Variants in CACNA2D3 observed in about 807,000 individuals in gnomAD.
The protein encoded by CACNA2D3 is voltage-dependent calcium channel subunit alpha-2/delta-3.
Under a neutral mutation model 160.6 loss-of-function variants are expected in CACNA2D3, and 60 were observed. The ratio of observed to expected loss-of-function variants is 0.37; its 90% CI spans 0.30 to 0.46. The LOEUF (loss-of-function observed/expected upper bound fraction) is 0.46. CACNA2D3 is among the 20% of genes least tolerant of loss of function. CACNA2D3 has a pLI of 1.00. For missense variants in CACNA2D3, 1,205 were observed against 1,365.0 expected (o/e 0.88, Z 1.85); for synonymous variants, 558 against 492.9 (o/e 1.13, Z -1.75).
intron 2 of CACNA2D3, among the ~76,000 whole-genome samples, chr3:54,268,242 C>T (rs998243903): frequency 3.3e-5 from 5 of 152,124 alleles, no homozygotes; most frequent in African/African-American, 1.2e-4. Context: ...GGTCATACAG[C>T]CTTCATGTGA....
In CACNA2D3 at chr3:54,578,989, C is replaced by T. The variant is rs549018521; in HGVS notation, c.889-2814C>T. ...GGATCAGAGAGGCTTAGCAACTTCT[C>T]CAAGGCCACACAGTGAGTACACGGT... is the stretch of plus-strand genomic sequence containing the variant. On this transcript the variant is annotated intron_variant, in intron 8 of 37. Transcript: ENST00000474759. Among the ~76,000 whole-genome samples the T allele has an allele frequency of 2.0e-5, 3 of 152,272 alleles. No individual in the cohort carries two copies. The East Asian group carries it at 5.8e-4, about 29-fold the overall frequency.
At chr3:54,123,684 G>A in intron 2 of CACNA2D3, 90 bp downstream of exon 2, 2 of 1,016,006 alleles carry the variant, frequency 2.0e-6, no homozygotes, top group South Asian at 2.5e-5. Flanking sequence ...TGAGCCCCGA[G>A]CAGCATCAGT....
chr3:54,268,724 A>G (rs1297947791), intron 2 of CACNA2D3, among the ~76,000 whole-genome samples: 3 of 152,124 alleles, frequency 2.0e-5, no homozygotes, highest in South Asian at 4.1e-4. Context: ...TATTTTAGAG[A>G]TGAGAAAACT....
chr3:54,161,033 G>A (rs1021351061), intron 2 of CACNA2D3, among the ~76,000 whole-genome samples: 2 of 152,198 alleles, frequency 1.3e-5, no homozygotes, highest in African/African-American at 4.8e-5. Context: ...ATTGAAAGGG[G>A]AGCCTGTGTG....
intron 5 of CACNA2D3, among the ~76,000 whole-genome samples, chr3:54,527,040 C>T (rs547820346): frequency 9.9e-5 from 15 of 152,268 alleles, no homozygotes; most frequent in African/African-American, 2.9e-4. Context: ...TAAACCATGC[C>T]GTGGGGCATG....
At chr3:54,867,088 T>C (rs941659948) in intron 17 of CACNA2D3, among the ~76,000 whole-genome samples, 2 of 152,202 alleles carry the variant, frequency 1.3e-5, no homozygotes, top group Non-Finnish European at 2.9e-5. Context: ...AAGTTACAGA[T>C]TATAGATACA....
intron 27 of CACNA2D3, among the ~76,000 whole-genome samples, chr3:54,943,447 C>G (rs2106991921): frequency 6.6e-6 from 1 of 152,278 alleles, no homozygotes; most frequent in East Asian, 1.9e-4. Context: ...TGCCCTCTTC[C>G]TATTCCACCA....
chr3:54,387,263 A>T (rs750733332), intron 4 of CACNA2D3, among the ~76,000 whole-genome samples: 2 of 152,234 alleles, frequency 1.3e-5, no homozygotes, highest in Non-Finnish European at 2.9e-5. Flanking sequence ...TAGATCTTGT[A>T]CCTGATCCTG....
At chr3:54,377,494 T>G (rs1422284653) in intron 3 of CACNA2D3, among the ~76,000 whole-genome samples, 3 of 152,230 alleles carry the variant, frequency 2.0e-5, no homozygotes, top group Non-Finnish European at 4.4e-5. Context: ...GAAAATCTTG[T>G]CTCTTCCTCT....
chr3:54,549,011 A>C (rs1023448146), intron 5 of CACNA2D3, among the ~76,000 whole-genome samples: 1 of 152,176 alleles, frequency 6.6e-6, no homozygotes, highest in Admixed American at 6.5e-5. Flanking sequence ...CTGTTTAAGA[A>C]ACAAAGCAAA....
At chr3:54,161,595 C>G (rs78439604) in intron 2 of CACNA2D3, among the ~76,000 whole-genome samples, 1 of 152,358 alleles carries the variant, frequency 6.6e-6, no homozygotes, top group East Asian at 1.9e-4. Context: ...TGACAAAGTT[C>G]TAAGCCAAGG....
chr3:54,875,163 C>G (rs1313273349), intron 18 of CACNA2D3: 2 of 152,040 alleles, frequency 1.3e-5, no homozygotes, highest in Non-Finnish European at 2.9e-5. Context: ...TTATTTGATT[C>G]TTTTTTATAC....
At chr3:54,290,860 G>T (rs1425207881) in intron 2 of CACNA2D3, among the ~76,000 whole-genome samples, 1 of 151,436 alleles carries the variant, frequency 6.6e-6, no homozygotes, top group Non-Finnish European at 1.5e-5. Flanking sequence ...ATTGAACAAT[G>T]AGAACACACG....
At chr3:54,629,344 C>T (rs568423560) in intron 10 of CACNA2D3, among the ~76,000 whole-genome samples, 3 of 152,100 alleles carry the variant, frequency 2.0e-5, no homozygotes, top group Non-Finnish European at 4.4e-5. Flanking sequence ...CAAAACTTGA[C>T]TTTTTACTAC....
In CACNA2D3 at chr3:54,307,192, A is replaced by G. The variant is rs546178215; in HGVS notation, c.205-13250A>G. 7.2e-5 allele frequency among the ~76,000 whole-genome samples: 11 copies of G among 152,276 alleles called. No individual in the cohort carries two copies. In the South Asian group the frequency reaches 2.3e-3, roughly 32 times the overall value. ...CCTGATTTTAAAGATGTTGGGAGAAAGTGCTGGTGCTGGGCTTGGTGAAAT... is the reference window on the plus strand; with the variant it reads ...CCTGATTTTAAAGATGTTGGGAGAAGGTGCTGGTGCTGGGCTTGGTGAAAT... On this transcript the variant is annotated intron_variant, in intron 2 of 37. Coordinates refer to ENST00000474759, the MANE Select transcript of CACNA2D3 (RefSeq NM_018398.3).
chr3:54,757,495 C>A (rs985481714), intron 12 of CACNA2D3, among the ~76,000 whole-genome samples: 1 of 152,102 alleles, frequency 6.6e-6, no homozygotes, highest in Non-Finnish European at 1.5e-5. Context: ...TGGTCATAGG[C>A]GACAGCAGGA....
rs1037695086 is a variant in CACNA2D3, at chr3:54,478,383, A to G, written c.382-25109A>G. Among the ~76,000 whole-genome samples the G allele has an allele frequency of 2.6e-5, 4 of 151,908 alleles. No individual in the cohort carries two copies. In the South Asian group the frequency reaches 8.3e-4, roughly 32 times the overall value. ...CGCAGTGGCTCACACCTGTAATTCC[A>G]GCAGTTTGAGAGGCCAAGGCGGGAA... On this transcript the variant is annotated intron_variant, in intron 4 of 37. Coordinates refer to ENST00000474759, the MANE Select transcript of CACNA2D3 (RefSeq NM_018398.3).
At chr3:55,038,088 A>C (rs180721215) in intron 35 of CACNA2D3, among the ~76,000 whole-genome samples, 3 of 152,154 alleles carry the variant, frequency 2.0e-5, no homozygotes, top group African/African-American at 7.2e-5. Context: ...TGATAAAGCA[A>C]TTGCTTCTAA....
intron 9 of CACNA2D3, among the ~76,000 whole-genome samples, chr3:54,627,413 T>A (rs549610126): frequency 6.6e-6 from 1 of 151,692 alleles, no homozygotes. Context: ...GGATTGAGAG[T>A]GGGTTCCCAG....
Sources: gnomAD v4.1 joint callset for allele counts (sites outside exome capture counted in the v4.1 genomes callset) on GRCh38, gnomAD v4.1.1 for gene constraint, MANE v1.5 for transcripts, NCBI Gene and HGNC (gene_info 2026-07-23, HGNC 2026-07-21) for gene names.